The following LRRC38 variants were observed in gnomAD, a reference collection of about 807,000 sequenced individuals.
LRRC38 encodes leucine rich repeat containing 38, also known as leucine-rich repeat-containing protein 38.
In LRRC38, 5 loss-of-function variants were observed where a neutral mutation model predicts 16.4. The ratio of observed to expected loss-of-function variants is 0.31; its 90% confidence interval spans 0.16 to 0.64. LRRC38 has a LOEUF of 0.64. Ranked by LOEUF, LRRC38 falls within the 30% of genes least tolerant of loss-of-function variation. The probability of loss-of-function intolerance (pLI) is 0.80; values close to 1 mark genes in which losing one functional copy is unlikely to be tolerated. For synonymous variants in LRRC38, 191 were observed against 190.2 expected (o/e 1.00, Z -0.04); for missense variants, 341 against 401.8 (o/e 0.85, Z 1.29).
At chr1:13,481,393 T>TA (rs1638853852) in intron 1 of LRRC38, among the ~76,000 whole-genome samples, 7 of 130,934 alleles carry the variant, frequency 5.3e-5, no homozygotes, top group Non-Finnish European at 8.4e-5. Flanking sequence ...TTATTTTTTT[T>TA]TTTTTGTTCT....
In LRRC38 at chr1:13,475,799, C is replaced by T. The variant is rs933194127; in HGVS notation, c.*47G>A. 2 of 1,535,446 alleles carry T rather than the reference C, an allele frequency of 1.3e-6. No homozygotes were observed. The highest frequency in any genetic ancestry group is 1.8e-6 in the Non-Finnish European group (2 of 1,138,080). ...CATTTCCCTCTCGTCTTGGAGAGAGCTTCTGGTTCGGTGCTGGAGAGTAAG... is the reference window on the plus strand; with the variant it reads ...CATTTCCCTCTCGTCTTGGAGAGAGTTTCTGGTTCGGTGCTGGAGAGTAAG... On this transcript the variant is annotated 3_prime_UTR_variant, in exon 2 of 2. Coordinates refer to ENST00000376085, the MANE Select transcript of LRRC38 (RefSeq NM_001010847.2). This position sits in a 1 kb window ranked among gnomAD's most constrained non-coding sequence, Gnocchi z 4.3.
chr1:13,485,994 A>C (rs1345548547), intron 1 of LRRC38, among the ~76,000 whole-genome samples: 1 of 152,088 alleles, frequency 6.6e-6, no homozygotes, highest in Non-Finnish European at 1.5e-5. Context: ...GCTGGAGTGC[A>C]GTGGTGTAAT....
Position 13,488,076 on chromosome 1 carries a change from C to A in LRRC38, c.632-11977G>T, listed in dbSNP as rs534298195. 1.9e-4 allele frequency among the ~76,000 whole-genome samples: 25 copies of A among 132,338 alleles called. No individual in the cohort carries two copies. The South Asian group carries it at 3.6e-3, about 19-fold the overall frequency. The allele number at this position is 132,338 out of a possible 152,430, so 86.8% of individuals were successfully genotyped here. On this transcript the variant is annotated intron_variant, in intron 1 of 1. Transcript: ENST00000376085. ...TGTGTGTGTGTGTACATAAATCTAC[C>A]AAGCAGAAATGCACTCCACCACTCT...
At chr1:13,507,710 T>C (rs1639229536) in intron 1 of LRRC38, among the ~76,000 whole-genome samples, 1 of 152,106 alleles carries the variant, frequency 6.6e-6, no homozygotes, top group South Asian at 2.1e-4. Context: ...CAGGCGCCTA[T>C]AATCCCAGCT....
At position 13,486,294 on chromosome 1, in the gene LRRC38, T is replaced by C. The variant is rs181367001; in HGVS notation, c.632-10195A>G. Among the ~76,000 whole-genome samples, 660 of 152,294 alleles carry C rather than the reference T, an allele frequency of 4.3e-3. 6 individuals are homozygous for C. The highest frequency in any genetic ancestry group is 0.015 in the African/African-American group (618 of 41,564). ...TCTGCCCTTCCCTTACAAGGACATCTGCCATTGGATTTAGGACAGTCCTAC... is the reference window on the plus strand; with the variant it reads ...TCTGCCCTTCCCTTACAAGGACATCCGCCATTGGATTTAGGACAGTCCTAC... On this transcript the variant is annotated intron_variant, in intron 1 of 1. Transcript: ENST00000376085.
chr1:13,485,537 C>T (rs1309861131), intron 1 of LRRC38, among the ~76,000 whole-genome samples: 1 of 151,854 alleles, frequency 6.6e-6, no homozygotes, highest in African/African-American at 2.4e-5. Flanking sequence ...CGCTGTACTT[C>T]AGCCTGGGCG....
chr1:13,483,355 G>C (rs1452035352), intron 1 of LRRC38, among the ~76,000 whole-genome samples: 1 of 151,964 alleles, frequency 6.6e-6, no homozygotes, highest in African/African-American at 2.4e-5. Flanking sequence ...TTTCACTTTG[G>C]CCAGGTTGGT....
chr1:13,482,316 C>T (rs1638879414), intron 1 of LRRC38, among the ~76,000 whole-genome samples: 1 of 152,056 alleles, frequency 6.6e-6, no homozygotes, highest in Non-Finnish European at 1.5e-5. Flanking sequence ...GTGGCTCACA[C>T]CTGTAACCCC....
chr1:13,511,952 A>G (rs2100530110), intron 1 of LRRC38, among the ~76,000 whole-genome samples: 1 of 151,948 alleles, frequency 6.6e-6, no homozygotes, highest in East Asian at 1.9e-4. Flanking sequence ...CCGTAAATGG[A>G]AAAAAAAATA....
chr1:13,482,705 G>A (rs915761780), intron 1 of LRRC38, among the ~76,000 whole-genome samples: 1 of 152,104 alleles, frequency 6.6e-6, no homozygotes, highest in African/African-American at 2.4e-5. Context: ...GGCACATGGA[G>A]GTGACCATGG....
At chr1:13,492,457 T>C (rs956707392) in intron 1 of LRRC38, among the ~76,000 whole-genome samples, 2 of 152,144 alleles carry the variant, frequency 1.3e-5, no homozygotes, top group Non-Finnish European at 2.9e-5. Context: ...TCCCAGCACT[T>C]TGGGAGGCCG....
intron 1 of LRRC38, among the ~76,000 whole-genome samples, chr1:13,507,064 G>A (rs1639221888): frequency 6.6e-6 from 1 of 152,266 alleles, no homozygotes; most frequent in Admixed American, 6.5e-5. Flanking sequence ...AACTGGATGA[G>A]TTGAACATTT....
intron 1 of LRRC38, among the ~76,000 whole-genome samples, chr1:13,486,031 C>T (rs966569868): frequency 1.1e-4 from 16 of 151,952 alleles, no homozygotes; most frequent in East Asian, 3.9e-4. Flanking sequence ...CTCTGCCTCC[C>T]GGGTTCAAGC....
intron 1 of LRRC38, among the ~76,000 whole-genome samples, chr1:13,500,111 C>T (rs1274417304): frequency 1.3e-5 from 2 of 151,886 alleles, no homozygotes; most frequent in South Asian, 2.1e-4. Flanking sequence ...ATTAGCCGGG[C>T]TGGGTAGCAT....
At chr1:13,483,644 C>T (rs72646364) in intron 1 of LRRC38, among the ~76,000 whole-genome samples, 2,356 of 152,140 alleles carry the variant, frequency 0.015, 26 homozygotes, top group African/African-American at 0.021. Flanking sequence ...AGGGTTAGGA[C>T]GGACCCCAGG....
intron 1 of LRRC38, among the ~76,000 whole-genome samples, chr1:13,495,628 C>G (rs1207998224): frequency 6.6e-6 from 1 of 152,038 alleles, no homozygotes; most frequent in African/African-American, 2.4e-5. Context: ...TCACAGGACT[C>G]AAGCACCCTG....
chr1:13,477,266 CCA>C (rs1638800499), intron 1 of LRRC38, among the ~76,000 whole-genome samples: 1 of 152,158 alleles, frequency 6.6e-6, no homozygotes, highest in Non-Finnish European at 1.5e-5. Context: ...TTCATTTATG[CCA>C]CAGATATTTT....
chr1:13,480,165 C>A (rs529914685), intron 1 of LRRC38, among the ~76,000 whole-genome samples: 1 of 152,128 alleles, frequency 6.6e-6, no homozygotes, highest in Admixed American at 6.5e-5. Context: ...GCCAATATGG[C>A]GAAACCCCAC....
chr1:13,502,393 C>G (rs1181990131), intron 1 of LRRC38, among the ~76,000 whole-genome samples: 1 of 152,208 alleles, frequency 6.6e-6, no homozygotes, highest in Non-Finnish European at 1.5e-5. Context: ...ATACCTGCCC[C>G]CACTTGCTTC....
Sources: allele counts gnomAD v4.1 joint callset (sites outside exome capture counted in the v4.1 genomes callset), GRCh38; gene constraint gnomAD v4.1.1; non-coding constraint Gnocchi (gnomAD v3.1); transcripts MANE v1.5; gene names NCBI Gene and HGNC (gene_info 2026-07-23, HGNC 2026-07-21).